The following SLC24A3 variants were observed in gnomAD, a reference collection of about 807,000 sequenced individuals.
SLC24A3 encodes the protein solute carrier family 24 member 3, also known as sodium/potassium/calcium exchanger 3.
In SLC24A3, 28 loss-of-function variants were observed where a neutral mutation model predicts 75.8. That is an observed-to-expected ratio of 0.37 (90% CI 0.27 to 0.51). SLC24A3 has a LOEUF of 0.51. Ranked by LOEUF, SLC24A3 falls within the 20% of genes least tolerant of loss-of-function variation. The pLI is 0.94. For missense variants in SLC24A3, 663 were observed against 847.8 expected, an observed-to-expected ratio of 0.78 and a Z score of 2.71; for synonymous variants, 372 against 334.1, an observed-to-expected ratio of 1.11 and a Z score of -1.24.
rs540496535 is a variant in SLC24A3, at chr20:19,214,469, G to A, written c.142+1485G>A. ...TTCTCCAGTGAAAAACCAGTTTATA[G>A]TTCATGCCACCTTTGGAAAGGGCTA... On this transcript the variant is annotated intron_variant, in intron 1 of 16. Coordinates refer to ENST00000328041, the MANE Select transcript of SLC24A3 (RefSeq NM_020689.4). Among the ~76,000 whole-genome samples, 3 of 152,222 alleles carry A rather than the reference G, an allele frequency of 2.0e-5. No individual in the cohort carries two copies. The South Asian group carries it at 6.2e-4, about 32-fold the overall frequency.
intron 6 of SLC24A3, among the ~76,000 whole-genome samples, chr20:19,593,678 A>C (rs1370234337): frequency 6.6e-6 from 1 of 152,174 alleles, no homozygotes. Flanking sequence ...AAGCAGGGTA[A>C]CTGCTTCCTC....
At chr20:19,328,479 G>C (rs1030977968) in intron 2 of SLC24A3, among the ~76,000 whole-genome samples, 9 of 152,186 alleles carry the variant, frequency 5.9e-5, no homozygotes, top group African/African-American at 2.2e-4. Context: ...CAGGGGCAGG[G>C]TGAGGCGGTA....
At position 19,553,213 on chromosome 20, in the gene SLC24A3, C is replaced by G. The variant is rs550425650; in HGVS notation, c.349-26787C>G. Among the ~76,000 whole-genome samples, 14 of 152,154 alleles carry G rather than the reference C, an allele frequency of 9.2e-5. 1 individual carries two copies. The South Asian group carries it at 2.9e-3, about 32-fold the overall frequency. On this transcript the variant is annotated intron_variant, in intron 3 of 16. Transcript: ENST00000328041. ...CACGTGTATGTCCGTGTGCACACCT[C>G]TGTGTGCACATCTCTAGGTGTGTGT... is the stretch of plus-strand genomic sequence containing the variant.
intron 6 of SLC24A3, among the ~76,000 whole-genome samples, chr20:19,653,331 C>T (rs574052807): frequency 1.3e-5 from 2 of 152,342 alleles, no homozygotes; most frequent in East Asian, 3.9e-4. Context: ...GCCAGCATCT[C>T]TTTAAAAAGG....
At chr20:19,613,135 C>T (rs764820122) in intron 6 of SLC24A3, among the ~76,000 whole-genome samples, 16 of 152,206 alleles carry the variant, frequency 1.1e-4, no homozygotes, top group Admixed American at 6.5e-5. Flanking sequence ...ACCCAGAACC[C>T]CCAGTTCCCC....
At chr20:19,341,861 C>T (rs544181247) in intron 2 of SLC24A3, among the ~76,000 whole-genome samples, 3 of 152,254 alleles carry the variant, frequency 2.0e-5, no homozygotes, top group African/African-American at 4.8e-5. Context: ...ATGGGCAGCT[C>T]CTAGTGCCAG....
intron 2 of SLC24A3, among the ~76,000 whole-genome samples, chr20:19,348,586 T>C (rs1386047613): frequency 1.3e-5 from 2 of 152,134 alleles, no homozygotes; most frequent in Non-Finnish European, 2.9e-5. Context: ...CAATGCCTAA[T>C]AACATCCTGA....
At chr20:19,419,802 G>A (rs771752190) in intron 2 of SLC24A3, among the ~76,000 whole-genome samples, 8 of 150,330 alleles carry the variant, frequency 5.3e-5, no homozygotes, top group Non-Finnish European at 7.4e-5. Flanking sequence ...TCCAGGTCTC[G>A]CCATGTCCTC....
At chr20:19,574,451 A>T (rs2031100541) in intron 3 of SLC24A3, among the ~76,000 whole-genome samples, 1 of 152,178 alleles carries the variant, frequency 6.6e-6, no homozygotes, top group Non-Finnish European at 1.5e-5. Flanking sequence ...TCATTGGTTC[A>T]TGGGTTTTTC....
chr20:19,495,816 G>A (rs1404489026), intron 2 of SLC24A3, among the ~76,000 whole-genome samples: 1 of 152,088 alleles, frequency 6.6e-6, no homozygotes, highest in African/African-American at 2.4e-5. Flanking sequence ...ATACCATGTG[G>A]TTCTAATATC....
At chr20:19,474,904 C>T (rs542647899) in intron 2 of SLC24A3, among the ~76,000 whole-genome samples, 3 of 152,294 alleles carry the variant, frequency 2.0e-5, no homozygotes, top group East Asian at 1.9e-4. Flanking sequence ...TGGTAACCAC[C>T]GTTCTATTCT....
chr20:19,306,281 G>A (rs1984327648), intron 2 of SLC24A3, among the ~76,000 whole-genome samples: 1 of 152,220 alleles, frequency 6.6e-6, no homozygotes, highest in South Asian at 2.1e-4. Flanking sequence ...TTGTGGAAAT[G>A]TAAATTACAT....
At chr20:19,476,398 A>G (rs1367865726) in intron 2 of SLC24A3, among the ~76,000 whole-genome samples, 3 of 152,236 alleles carry the variant, frequency 2.0e-5, no homozygotes, top group African/African-American at 4.8e-5. Context: ...ATGCAAAACC[A>G]TAAAATTCCT....
chr20:19,692,409 C>G (rs1270253522), intron 12 of SLC24A3, among the ~76,000 whole-genome samples: 1 of 152,112 alleles, frequency 6.6e-6, no homozygotes, highest in Non-Finnish European at 1.5e-5. Flanking sequence ...GATAACAAAT[C>G]GTAGCACATT....
In SLC24A3 at chr20:19,673,615, T is replaced by A; in HGVS notation, c.728T>A (p.Val243Asp). 6.2e-7 allele frequency: 1 copy of A among 1,614,168 alleles called. No individual in the cohort carries two copies. The highest frequency in any genetic ancestry group is 8.5e-7 in the Non-Finnish European group (1 of 1,179,980). Residue 243 changes from valine to aspartate, a missense_variant, in exon 9 of 17, where the codon GTC becomes GAC. Val to Asp is a radical substitution (Grantham distance 152, BLOSUM62 -3). Around this residue, in one of 2 missense-constraint regions of SLC24A3, gnomAD observed 510 missense variants for 703.6 expected, o/e 0.72. Coordinates refer to ENST00000328041, the MANE Select transcript of SLC24A3 (RefSeq NM_020689.4). The part of the protein sequence containing the change: ...DEKVSWWESL[V>D]LVLMYLIYIV... Reference sequence around the variant, plus strand: ...TTTACACACAGGTGGGAGTCTTTAGTCCTTGTGCTGATGTATCTTATCTAC... The same window carrying A: ...TTTACACACAGGTGGGAGTCTTTAGACCTTGTGCTGATGTATCTTATCTAC...
chr20:19,467,059 A>G (rs1282184009), intron 2 of SLC24A3, among the ~76,000 whole-genome samples: 7 of 152,220 alleles, frequency 4.6e-5, no homozygotes, highest in Non-Finnish European at 1.0e-4. Flanking sequence ...AAGCCGGGCA[A>G]TCGGATATCA....
At chr20:19,447,546 C>A (rs1535021) in intron 2 of SLC24A3, among the ~76,000 whole-genome samples, 81,403 of 151,870 alleles carry the variant, frequency 0.54, 24,009 homozygotes, top group East Asian at 0.93. Flanking sequence ...TAAAAAATGG[C>A]GACACATATA....
At chr20:19,231,123 A>G (rs1043491119) in intron 1 of SLC24A3, among the ~76,000 whole-genome samples, 18 of 152,188 alleles carry the variant, frequency 1.2e-4, no homozygotes, top group African/African-American at 4.3e-4. Flanking sequence ...AAGGTAAAAA[A>G]CAGGTAGACA....
chr20:19,646,615 T>A (rs1600319373), intron 6 of SLC24A3, among the ~76,000 whole-genome samples: 1 of 152,332 alleles, frequency 6.6e-6, no homozygotes, highest in South Asian at 2.1e-4. Context: ...GCACCTGTCC[T>A]AATCCAGCTC....
Sources: gnomAD v4.1 joint callset for allele counts (sites outside exome capture counted in the v4.1 genomes callset) on GRCh38, gnomAD v4.1.1 for gene constraint, gnomAD v4.1.1 regional missense constraint, MANE v1.5 for transcripts, NCBI Gene and HGNC (gene_info 2026-07-23, HGNC 2026-07-21) for gene names.